Variants in TJP1 observed in about 807,000 individuals in gnomAD.
TJP1 encodes tight junction protein ZO-1.
In TJP1, 43 loss-of-function variants were observed where a neutral mutation model predicts 194.2. The ratio of observed to expected loss-of-function variants is 0.22; its 90% CI spans 0.17 to 0.29. TJP1 has a LOEUF of 0.29. Among genes scored for constraint, TJP1 ranks in the 10% least tolerant of loss-of-function variants. TJP1 has a pLI of 1.00. For missense variants in TJP1, 1,971 were observed against 2,185.7 expected, an observed-to-expected ratio of 0.90 and a Z score of 1.96; for synonymous variants, 801 against 779.0, an observed-to-expected ratio of 1.03 and a Z score of -0.47.
chr15:29,893,409 G>T (rs2053376443), intron 2 of TJP1, among the ~76,000 whole-genome samples: 1 of 152,216 alleles, frequency 6.6e-6, no homozygotes, highest in South Asian at 2.1e-4. Context: ...ACTGGCTCCA[G>T]TTTTGAAAGA....
At chr15:29,892,546 G>T (rs2053347203) in intron 2 of TJP1, among the ~76,000 whole-genome samples, 1 of 152,180 alleles carries the variant, frequency 6.6e-6, no homozygotes, top group South Asian at 2.1e-4. Flanking sequence ...CAAAGGACAG[G>T]CTGTCTTGTT....
chr15:29,793,327 A>C (rs1330057527), intron 2 of TJP1, among the ~76,000 whole-genome samples: 1 of 152,150 alleles, frequency 6.6e-6, no homozygotes, highest in Non-Finnish European at 1.5e-5. Flanking sequence ...AATTTTACTG[A>C]ATACTTTTTT....
chr15:29,718,899 T>C lies in TJP1; in HGVS notation c.3243A>G (p.Glu1081=). ...SRNYEHRLRY[E]DRVPMYEEQW... is the part of the protein sequence containing the mutation. ...GTTCTTCATACATGGGGACGCGATC[T>C]TCGTATCGCAGACGATGTTCATAGT... Residue 1081 remains glutamate (E), a synonymous_variant, in exon 21 of 28, where the codon GAA becomes GAG. Transcript: ENST00000614355. 1 of 1,614,208 alleles carries C rather than the reference T, an allele frequency of 6.2e-7. No homozygotes were observed. Among genetic ancestry groups the C allele is most frequent in the South Asian group, 1.1e-5 (1 of 91,084 alleles).
chr15:29,929,662 A>ACT (rs1292693879), intron 2 of TJP1, among the ~76,000 whole-genome samples: 5 of 152,148 alleles, frequency 3.3e-5, no homozygotes, highest in African/African-American at 1.2e-4. Flanking sequence ...GCGCCACTGC[A>ACT]CTCCAGCCTG....
rs143726274 is a variant in TJP1, at chr15:29,904,929, C to A, written c.306+51303G>T. 2.1e-3 allele frequency among the ~76,000 whole-genome samples: 327 copies of A among 152,328 alleles called. 1 individual carries two copies. Among genetic ancestry groups the A allele is most frequent in the African/African-American group, 7.5e-3 (313 of 41,572 alleles). ...AGCGATGCAGCTACAAGCCAAGAAA[C>A]ACCAATAGGAACTGCAGCCGCCAGA... is the stretch of plus-strand genomic sequence containing the variant. On this transcript the variant is annotated intron_variant, in intron 2 of 28. Transcript: ENST00000356107.
chr15:29,835,007 T>G (rs1441066877), intron 2 of TJP1, among the ~76,000 whole-genome samples: 1 of 152,182 alleles, frequency 6.6e-6, no homozygotes, highest in Non-Finnish European at 1.5e-5. Context: ...AAAGGTCTTT[T>G]GGGAATGAAG....
upstream of TJP1, among the ~76,000 whole-genome samples, chr15:29,827,418 C>T (rs527896978): frequency 6.6e-5 from 10 of 152,300 alleles, no homozygotes; most frequent in African/African-American, 1.9e-4. Flanking sequence ...CCCTAATCCT[C>T]TAGGGCCCCA....
intron 2 of TJP1, among the ~76,000 whole-genome samples, chr15:29,852,648 G>A (rs1057049598): frequency 6.6e-6 from 1 of 152,130 alleles, no homozygotes; most frequent in African/African-American, 2.4e-5. Context: ...GGTGGCTCAC[G>A]CCTGTAATCC....
intron 1 of TJP1, among the ~76,000 whole-genome samples, chr15:29,958,826 G>A (rs2056047326): frequency 6.6e-6 from 1 of 152,074 alleles, no homozygotes; most frequent in Non-Finnish European, 1.5e-5. Flanking sequence ...TAGAAATAGT[G>A]TTCAGGTTTC....
chr15:29,725,392 C>T (rs1404422326), intron 18 of TJP1, among the ~76,000 whole-genome samples: 1 of 152,144 alleles, frequency 6.6e-6, no homozygotes, highest in Non-Finnish European at 1.5e-5. Flanking sequence ...AAGCATGCAG[C>T]ATGCACTGTC....
intron 1 of TJP1, among the ~76,000 whole-genome samples, chr15:29,963,722 C>T (rs1261866701): frequency 1.3e-5 from 2 of 152,130 alleles, no homozygotes; most frequent in African/African-American, 2.4e-5. Context: ...GGCATGATCT[C>T]GGCTCACTGC....
intron 2 of TJP1, among the ~76,000 whole-genome samples, chr15:29,907,395 C>T (rs552727820): frequency 4.6e-5 from 7 of 151,898 alleles, no homozygotes; most frequent in South Asian, 2.1e-4. Flanking sequence ...GGTGACAGAG[C>T]GAGACTCCAT....
chr15:29,819,594 C>A (rs2050184610), intron 1 of TJP1, among the ~76,000 whole-genome samples: 1 of 152,154 alleles, frequency 6.6e-6, no homozygotes. Flanking sequence ...TTTCCTGATA[C>A]GGCCTTCTTT....
intron 2 of TJP1, among the ~76,000 whole-genome samples, chr15:29,876,559 T>C (rs1039718997): frequency 6.6e-6 from 1 of 152,156 alleles, no homozygotes; most frequent in African/African-American, 2.4e-5. Context: ...TGTGACTTTT[T>C]AGCTCATCAG....
chr15:29,815,525 T>C (rs1356926683), intron 1 of TJP1, among the ~76,000 whole-genome samples: 3 of 152,378 alleles, frequency 2.0e-5, no homozygotes, highest in Non-Finnish European at 2.9e-5. Context: ...CTTCAGCTAC[T>C]ATAATGCTCA....
chr15:29,840,614 A>G lies in TJP1; in HGVS notation c.307-39912T>C, dbSNP rs1053717519. On this transcript the variant is annotated intron_variant, in intron 2 of 28. Transcript: ENST00000356107. ...CATCCCCGCCCATCCTGCCCACAAC[A>G]CTGCCCCAGGACACGCCTCCTGAGG... Among the ~76,000 whole-genome samples, 11 of 151,918 alleles carry G rather than the reference A, an allele frequency of 7.2e-5. 1 individual carries two copies. In the South Asian group the frequency reaches 1.5e-3, roughly 20 times the overall value.
chr15:29,877,465 A>T lies in TJP1; in HGVS notation c.307-76763T>A, dbSNP rs560410801. On this transcript the variant is annotated intron_variant, in intron 2 of 28. Transcript: ENST00000356107. ...CTCCTGGGCTCAAGCAATCTTCCCC[A>T]CCGCCTTGGCCTCCCAAAGTGCTGG... Among the ~76,000 whole-genome samples, 3 of 151,604 alleles carry T rather than the reference A, an allele frequency of 2.0e-5. No individual in the cohort carries two copies. The South Asian group carries it at 6.3e-4, about 32-fold the overall frequency.
In TJP1 at chr15:29,726,922, T is replaced by C. The variant is rs1192949233; in HGVS notation, c.2170A>G (p.Ile724Val). ...DRLNYAQWYPIVVFLNPDSKQ... is the reference protein window; with the variant it reads ...DRLNYAQWYPVVVFLNPDSKQ... ...GAATCAGGGTTAAGAAATACAACAATTGGATACCACTGGGCATAGTTAAGA... is the reference window on the plus strand; with the variant it reads ...GAATCAGGGTTAAGAAATACAACAACTGGATACCACTGGGCATAGTTAAGA... Residue 724 changes from isoleucine to valine, a missense_variant, in exon 17 of 28, where the codon ATT (isoleucine) becomes GTT (valine). Around this residue, in one of 5 missense-constraint regions of TJP1, gnomAD observed 402 missense variants for 484.2 expected, o/e 0.83. Coordinates refer to ENST00000614355, the MANE Select transcript of TJP1 (RefSeq NM_001330239.4). The C allele has an allele frequency of 6.2e-6, 10 of 1,614,052 alleles. No homozygotes were observed. Among genetic ancestry groups the C allele is most frequent in the East Asian group, 2.2e-5 (1 of 44,878 alleles).
At chr15:29,778,212 C>A (rs376334491) in intron 2 of TJP1, among the ~76,000 whole-genome samples, 50 of 152,092 alleles carry the variant, frequency 3.3e-4, no homozygotes, top group African/African-American at 1.1e-3. Flanking sequence ...AGGAGCCCTG[C>A]GACTTCTTAC....
Sources: allele counts gnomAD v4.1 joint callset (sites outside exome capture counted in the v4.1 genomes callset), GRCh38; gene constraint gnomAD v4.1.1; regional missense constraint gnomAD v4.1.1; transcripts MANE v1.5; gene names NCBI Gene and HGNC (gene_info 2026-07-23, HGNC 2026-07-21).